The following GALNT13 variants were observed in gnomAD, a reference collection of about 807,000 sequenced individuals.
GALNT13 encodes UDP-GalNAc:polypeptide N-acetylgalactosaminyltransferase 13.
A neutral mutation model predicts 64.2 loss-of-function variants in GALNT13; 28 were observed. That is an observed-to-expected ratio of 0.44 (90% CI 0.32 to 0.60). The LOEUF is 0.60. Among genes scored for constraint, GALNT13 ranks in the 20% least tolerant of loss-of-function variants. The pLI is 0.05. For synonymous variants in GALNT13, 214 were observed against 224.6 expected (o/e 0.95, Z 0.42); for missense variants, 577 against 669.8 (o/e 0.86, Z 1.53).
the GALNT13 span, among the ~76,000 whole-genome samples, chr2:153,406,405 A>AT: frequency 3.3e-3 from 495 of 150,784 alleles, no homozygotes; most frequent in African/African-American, 0.011. Context: ...TAAATTCTCT[A>AT]TTTTTTTTTC....
intron 7 of GALNT13, among the ~76,000 whole-genome samples, chr2:154,247,377 G>C (rs2105880977): frequency 6.6e-6 from 1 of 152,028 alleles, no homozygotes; most frequent in Admixed American, 6.6e-5. Flanking sequence ...AGTGTTAGCT[G>C]ATTTTTAAAC....
At chr2:153,226,515 A>G in the GALNT13 span, among the ~76,000 whole-genome samples, 2 of 152,198 alleles carry the variant, frequency 1.3e-5, no homozygotes, top group Non-Finnish European at 2.9e-5. Context: ...TGCCTTCTTG[A>G]TATAATGTAA....
chr2:154,076,121 T>G (rs1292154832), intron 3 of GALNT13, among the ~76,000 whole-genome samples: 1 of 151,614 alleles, frequency 6.6e-6, no homozygotes, highest in Non-Finnish European at 1.5e-5. Flanking sequence ...TTCTTCATTA[T>G]AGTACCCAAT....
At chr2:153,851,013 A>C in the GALNT13 span, among the ~76,000 whole-genome samples, 5 of 152,182 alleles carry the variant, frequency 3.3e-5, no homozygotes, top group Non-Finnish European at 7.4e-5. Flanking sequence ...ATGTTGAAGA[A>C]ATAATGAAAG....
the GALNT13 span, chr2:153,370,526 A>G: frequency 5.3e-5 from 8 of 152,212 alleles, no homozygotes; most frequent in African/African-American, 1.9e-4. Context: ...ATCTATCAAT[A>G]TCATGAATGA....
intron 4 of GALNT13, among the ~76,000 whole-genome samples, chr2:154,191,697 G>C (rs932128651): frequency 6.6e-6 from 1 of 152,076 alleles, no homozygotes; most frequent in Non-Finnish European, 1.5e-5. Flanking sequence ...GGTGTGGCTC[G>C]CTTCTTCGGT....
chr2:154,298,453 A>G (rs1247284364), intron 8 of GALNT13, among the ~76,000 whole-genome samples: 3 of 135,948 alleles, frequency 2.2e-5, no homozygotes, highest in Non-Finnish European at 3.1e-5. Context: ...TATATAATTT[A>G]TATATACATA....
chr2:154,129,729 A>G (rs138274168), intron 3 of GALNT13, among the ~76,000 whole-genome samples: 49 of 152,184 alleles, frequency 3.2e-4, no homozygotes, highest in African/African-American at 1.0e-3. Flanking sequence ...AGTGATACCT[A>G]TGTTAATTCC....
chr2:153,863,207 A>C, the GALNT13 span, among the ~76,000 whole-genome samples: 1 of 152,292 alleles, frequency 6.6e-6, no homozygotes, highest in East Asian at 1.9e-4. Flanking sequence ...ACATATAAAT[A>C]ATTACTTTGA....
the GALNT13 span, among the ~76,000 whole-genome samples, chr2:153,163,858 A>AGTC: frequency 6.6e-6 from 1 of 151,880 alleles, no homozygotes; most frequent in East Asian, 1.9e-4. Flanking sequence ...TCTCTACTAA[A>AGTC]AATACAAAAA....
the GALNT13 span, among the ~76,000 whole-genome samples, chr2:153,735,344 T>C: frequency 2.0e-5 from 3 of 152,174 alleles, no homozygotes; most frequent in Non-Finnish European, 2.9e-5. Context: ...ATCAAAGGCA[T>C]TAAGTTGTCA....
At chr2:153,998,970 A>G (rs1178498124) in intron 3 of GALNT13, among the ~76,000 whole-genome samples, 3 of 152,102 alleles carry the variant, frequency 2.0e-5, no homozygotes, top group Non-Finnish European at 4.4e-5. Flanking sequence ...AAATGGCCAA[A>G]CTGCCCAAAG....
At chr2:153,216,117 T>A in the GALNT13 span, among the ~76,000 whole-genome samples, 1 of 152,170 alleles carries the variant, frequency 6.6e-6, no homozygotes, top group South Asian at 2.1e-4. Flanking sequence ...ATGAACAAAG[T>A]CCATTGAGAT....
chr2:153,740,041 G>A, the GALNT13 span, among the ~76,000 whole-genome samples: 1 of 151,882 alleles, frequency 6.6e-6, no homozygotes, highest in African/African-American at 2.4e-5. Flanking sequence ...TTTTCTGTGT[G>A]ATCTTGTGTC....
intron 3 of GALNT13, among the ~76,000 whole-genome samples, chr2:154,055,397 T>C (rs564874632): frequency 1.8e-4 from 28 of 152,204 alleles, no homozygotes; most frequent in African/African-American, 6.7e-4. Flanking sequence ...CACCTAGTAT[T>C]TATAATGTAA....
chr2:153,271,556 T>A, the GALNT13 span, among the ~76,000 whole-genome samples: 1 of 152,018 alleles, frequency 6.6e-6, no homozygotes, highest in Non-Finnish European at 1.5e-5. Flanking sequence ...ATGCAACTTA[T>A]AAGGGATGAG....
At chr2:153,496,574 C>A in the GALNT13 span, among the ~76,000 whole-genome samples, 2 of 151,992 alleles carry the variant, frequency 1.3e-5, no homozygotes, top group African/African-American at 2.4e-5. Context: ...AGATTTTTTT[C>A]TAATCTATAA....
chr2:154,153,823 G>C (rs1684225884), intron 4 of GALNT13, among the ~76,000 whole-genome samples: 2 of 152,192 alleles, frequency 1.3e-5, no homozygotes, highest in Admixed American at 1.3e-4. Flanking sequence ...GATTTTCCAG[G>C]TGCCATCTGT....
At chr2:153,200,954 A>G in the GALNT13 span, among the ~76,000 whole-genome samples, 13 of 152,316 alleles carry the variant, frequency 8.5e-5, no homozygotes, top group South Asian at 1.7e-3. Context: ...TTCTGTTGCT[A>G]TTGGTGGGAC....
Sources: gnomAD v4.1 joint callset for allele counts (sites outside exome capture counted in the v4.1 genomes callset) on GRCh38, gnomAD v4.1.1 for gene constraint, MANE v1.5 for transcripts, NCBI Gene and HGNC (gene_info 2026-07-23, HGNC 2026-07-21) for gene names.